The following CDH2 variants were observed in gnomAD, a reference collection of about 807,000 sequenced individuals.
The protein encoded by CDH2 is cadherin 2, also known as cadherin-2.
A neutral mutation model predicts 92.0 loss-of-function variants in CDH2; 17 were observed. The ratio of observed to expected loss-of-function variants is 0.18; its 90% CI spans 0.13 to 0.28. The LOEUF (loss-of-function observed/expected upper bound fraction) is 0.28. CDH2 is among the 10% of genes least tolerant of loss of function. The probability of loss-of-function intolerance (pLI) is 1.00; values close to 1 mark genes in which losing one functional copy is unlikely to be tolerated. For missense variants in CDH2, 862 were observed against 1,133.1 expected, an observed-to-expected ratio of 0.76 and a Z score of 3.44; for synonymous variants, 419 against 415.9, an observed-to-expected ratio of 1.01 and a Z score of -0.09.
intron 2 of CDH2, among the ~76,000 whole-genome samples, chr18:28,077,575 C>T (rs769975414): frequency 6.6e-6 from 1 of 151,978 alleles, no homozygotes; most frequent in African/African-American, 2.4e-5. Flanking sequence ...CTGCAAAACA[C>T]GTATCCTATT....
chr18:27,963,932 A>G (rs1486904835), intron 14 of CDH2, among the ~76,000 whole-genome samples: 1 of 150,524 alleles, frequency 6.6e-6, no homozygotes, highest in Non-Finnish European at 1.5e-5. Flanking sequence ...TTAGTTCATG[A>G]AGGTTTCAAG....
intron 14 of CDH2, among the ~76,000 whole-genome samples, chr18:27,978,376 A>G (rs1279340312): frequency 6.6e-6 from 1 of 152,186 alleles, no homozygotes; most frequent in African/African-American, 2.4e-5. Flanking sequence ...TACCGCATAG[A>G]ACAGCAGGAA....
chr18:28,134,752 C>G (rs1000896989), intron 2 of CDH2, among the ~76,000 whole-genome samples: 8 of 152,164 alleles, frequency 5.3e-5, no homozygotes, highest in Non-Finnish European at 1.2e-4. Context: ...ACAACCAAAA[C>G]TTGAGAAGAA....
chr18:28,142,231 G>A (rs999902963), intron 2 of CDH2, among the ~76,000 whole-genome samples: 1 of 151,988 alleles, frequency 6.6e-6, no homozygotes, highest in Non-Finnish European at 1.5e-5. Context: ...CATGATAGAT[G>A]TGGAGCTGTG....
intron 2 of CDH2, among the ~76,000 whole-genome samples, chr18:28,020,684 A>C (rs965011165): frequency 3.9e-5 from 6 of 152,040 alleles, no homozygotes; most frequent in Admixed American, 6.6e-5. Flanking sequence ...ATTTATCTTA[A>C]AATACACGTT....
intron 6 of CDH2, among the ~76,000 whole-genome samples, chr18:27,933,204 T>C (rs756940034): frequency 6.6e-6 from 1 of 152,154 alleles, no homozygotes; most frequent in Non-Finnish European, 1.5e-5. Flanking sequence ...ACAGGAGGTA[T>C]ACTGATGGTA....
intron 2 of CDH2, among the ~76,000 whole-genome samples, chr18:28,027,004 G>A (rs904944552): frequency 2.0e-5 from 3 of 152,060 alleles, no homozygotes; most frequent in Admixed American, 6.6e-5. Context: ...CCCCTGCAGT[G>A]GTCATTCTTT....
intron 2 of CDH2, among the ~76,000 whole-genome samples, chr18:28,139,285 C>T (rs1203402716): frequency 6.6e-6 from 1 of 152,000 alleles, no homozygotes; most frequent in Non-Finnish European, 1.5e-5. Context: ...CTCTTCTGCA[C>T]CATCACTTTT....
At chr18:27,958,585 A>C (rs1037846564) in intron 15 of CDH2, among the ~76,000 whole-genome samples, 4 of 150,280 alleles carry the variant, frequency 2.7e-5, no homozygotes, top group African/African-American at 9.7e-5. Context: ...GTATATACAC[A>C]TATATAAATA....
intron 2 of CDH2, 23 bp from the exon 3 acceptor site, chr18:28,013,932 C>T: frequency 6.4e-7 from 1 of 1,564,916 alleles, no homozygotes. Flanking sequence ...AGAAATAGGT[C>T]AGTTATTATA....
chr18:28,041,910 AATTT>A (rs930436220), intron 2 of CDH2, among the ~76,000 whole-genome samples: 36 of 152,262 alleles, frequency 2.4e-4, no homozygotes, highest in African/African-American at 6.5e-4. Flanking sequence ...ATTTAAATAT[AATTT>A]ATTTATTAAA....
chr18:28,109,707 GACACTTTTCTCTA>G (rs2015379901), intron 2 of CDH2, among the ~76,000 whole-genome samples: 1 of 152,082 alleles, frequency 6.6e-6, no homozygotes. Context: ...AAAATCTCTT[GACACTTTTCTCTA>G]ACACTTAAGT....
At position 28,094,100 on chromosome 18, in the gene CDH2, T is replaced by G. The variant is rs546076436; in HGVS notation, c.172+53573A>C. Among the ~76,000 whole-genome samples the G allele has an allele frequency of 2.0e-5, 3 of 152,348 alleles. No individual in the cohort carries two copies. In the East Asian group the frequency reaches 5.8e-4, roughly 29 times the overall value. The stretch of plus-strand genomic sequence containing the variant: ...GGAGAAAATATATCCTTCTACAATT[T>G]TGAAATAATCTCCCTTTAAAAGAAA... On this transcript the variant is annotated intron_variant, in intron 2 of 15. Transcript: ENST00000269141.
chr18:28,155,179 C>T (rs1207408397), intron 1 of CDH2, among the ~76,000 whole-genome samples: 1 of 152,110 alleles, frequency 6.6e-6, no homozygotes, highest in Non-Finnish European at 1.5e-5. Flanking sequence ...CTGCAGCAAA[C>T]CTGCTCAGGT....
intron 1 of CDH2, among the ~76,000 whole-genome samples, chr18:28,150,304 GT>G (rs976300244): frequency 3.3e-5 from 5 of 152,188 alleles, no homozygotes; most frequent in African/African-American, 1.2e-4. Context: ...AAATGGGGGC[GT>G]TCAGGGTAGT....
At chr18:28,130,599 G>A (rs1452816964) in intron 2 of CDH2, among the ~76,000 whole-genome samples, 1 of 152,180 alleles carries the variant, frequency 6.6e-6, no homozygotes, top group Non-Finnish European at 1.5e-5. Flanking sequence ...GAATTCACTG[G>A]CACAAGTCCT....
At chr18:28,036,501 C>G (rs772049531) in intron 2 of CDH2, 2 of 1,602,828 alleles carry the variant, frequency 1.2e-6, no homozygotes, top group South Asian at 2.2e-5. Flanking sequence ...CTGCTTGGTT[C>G]TTTAATTTCT....
chr18:27,941,033 CTTTT>C (rs59212895), intron 6 of CDH2, among the ~76,000 whole-genome samples: 2 of 124,604 alleles, frequency 1.6e-5, no homozygotes, highest in Non-Finnish European at 3.3e-5. Context: ...TAAGTAGCAC[CTTTT>C]TTTTTTTTTT....
chr18:28,032,644 T>A (rs535856518), intron 2 of CDH2, among the ~76,000 whole-genome samples: 1 of 152,250 alleles, frequency 6.6e-6, no homozygotes, highest in East Asian at 1.9e-4. Context: ...ATGATTCAAA[T>A]CCTTTAAGTA....
Sources: gnomAD v4.1 joint callset for allele counts (sites outside exome capture counted in the v4.1 genomes callset) on GRCh38, gnomAD v4.1.1 for gene constraint, MANE v1.5 for transcripts, NCBI Gene and HGNC (gene_info 2026-07-23, HGNC 2026-07-21) for gene names.